Variants in CHD7 observed in about 807,000 individuals in gnomAD.
The protein encoded by CHD7 is chromodomain helicase DNA binding protein 7.
In CHD7, 24 loss-of-function variants were observed where a neutral mutation model predicts 307.3. The ratio of observed to expected loss-of-function variants is 0.08; its 90% CI spans 0.06 to 0.11. The LOEUF (loss-of-function observed/expected upper bound fraction) is 0.11. CHD7 is among the 10% of genes least tolerant of loss of function. CHD7 has a pLI of 1.00. For synonymous variants in CHD7, 1,363 were observed against 1,349.9 expected (o/e 1.01, Z -0.21); for missense variants, 3,106 against 3,727.1 (o/e 0.83, Z 4.34).
intron 1 of CHD7, among the ~76,000 whole-genome samples, chr8:60,688,227 G>A (rs931349882): frequency 1.3e-5 from 2 of 152,192 alleles, no homozygotes; most frequent in African/African-American, 4.8e-5. Context: ...GGACAGATAC[G>A]GGTGTGAATC....
At chr8:60,752,483 T>C (rs1195590721) in intron 2 of CHD7, among the ~76,000 whole-genome samples, 1 of 152,230 alleles carries the variant, frequency 6.6e-6, no homozygotes, top group Non-Finnish European at 1.5e-5. Flanking sequence ...CTGCTCAGTT[T>C]AGGCAGTTGG....
At chr8:60,739,518 A>G (rs1039165521) in intron 1 of CHD7, among the ~76,000 whole-genome samples, 2 of 152,202 alleles carry the variant, frequency 1.3e-5, no homozygotes, top group Non-Finnish European at 2.9e-5. Context: ...TTTCATGCTC[A>G]CCTTATTTTC....
intron 2 of CHD7, among the ~76,000 whole-genome samples, chr8:60,744,905 A>C (rs907458095): frequency 2.6e-5 from 4 of 151,272 alleles, no homozygotes; most frequent in African/African-American, 7.3e-5. Context: ...CAGGCATTTA[A>C]TACAGAGGCT....
intron 1 of CHD7, among the ~76,000 whole-genome samples, chr8:60,694,940 G>A (rs992674716): frequency 1.8e-4 from 28 of 152,182 alleles, no homozygotes; most frequent in African/African-American, 6.5e-4. Context: ...ATGGATTGCG[G>A]TTGAAGAGAG....
At position 60,865,551 on chromosome 8, in the gene CHD7, A is replaced by G; in HGVS notation, c.8612A>G (p.Asn2871Ser). Residue 2871 changes from asparagine to serine, a missense_variant, in exon 38 of 38, where the codon AAT (asparagine) becomes AGT (serine). By Grantham distance (46) the Asn-to-Ser change is conservative. Around this residue, in one of 10 missense-constraint regions of CHD7, gnomAD observed 351 missense variants for 366.2 expected, o/e 0.96. Coordinates refer to ENST00000423902, the MANE Select transcript of CHD7 (RefSeq NM_017780.4). This position sits in a 1 kb window ranked among gnomAD's most constrained non-coding sequence, Gnocchi z 4.3. ...TDAVSAADSA[N>S]GSVGAATAPA... ...GCTGTTTCGGCTGCTGACTCTGCGA[A>G]TGGATCTGTTGGTGCTGCTACTGCC... 1 of 1,614,040 alleles carries G rather than the reference A, an allele frequency of 6.2e-7. No individual in the cohort carries two copies. Among genetic ancestry groups the G allele is most frequent in the East Asian group, 2.2e-5 (1 of 44,882 alleles).
chr8:60,854,291 A>T, intron 31 of CHD7, 72 bp from the exon 32 acceptor site: 1 of 1,376,244 alleles, frequency 7.3e-7, no homozygotes, highest in Non-Finnish European at 1.0e-6. Flanking sequence ...CACATTTTTA[A>T]TCATGTCCTT....
In CHD7 at chr8:60,810,380, A is replaced by AGTGTGTGT. The variant is rs112629399; in HGVS notation, c.2498+2131_2498+2138dup. Among the ~76,000 whole-genome samples the AGTGTGTGT allele has an allele frequency of 6.4e-3, 928 of 146,082 alleles. 5 individuals carry two copies. The highest frequency in any genetic ancestry group is 0.015 in the East Asian group (72 of 4,958). ...GTGGATAGGACTGGGAGAGAGAGAG[A>AGTGTGTGT]GTGTGTGTGTGTGTGTGTGTGTGTG... On this transcript the variant is annotated intron_variant, in intron 7 of 37. Transcript: ENST00000423902.
rs1159520181 is a variant in CHD7 at position 60,844,928 on chromosome 8, G to A, written c.4915G>A (p.Val1639Ile). 2 of 1,613,870 alleles carry A rather than the reference G, an allele frequency of 1.2e-6. No individual in the cohort carries two copies. Among genetic ancestry groups the A allele is most frequent in the Non-Finnish European group, 1.7e-6 (2 of 1,179,786 alleles). Residue 1639 changes from valine to isoleucine, a missense_variant, in exon 22 of 38, where the codon GTA becomes ATA. This residue lies in a region of CHD7 where 122 missense variants were observed against 124.5 expected (regional missense o/e 0.98). Transcript: ENST00000423902. Reference protein sequence around the residue: ...RYKRQLTEQDVETICRTILVY... With the variant: ...RYKRQLTEQDIETICRTILVY... ...TAAACGCCAACTCACTGAGCAAGAT[G>A]TAGAAACCATCTGCAGAACCATCCT...
intron 1 of CHD7, among the ~76,000 whole-genome samples, chr8:60,703,977 G>C (rs1365582276): frequency 6.6e-6 from 1 of 151,892 alleles, no homozygotes; most frequent in Non-Finnish European, 1.5e-5. Context: ...CAGTTCTTTT[G>C]TTCCTCTCCA....
intron 37 of CHD7, chr8:60,862,856 A>C: frequency 1.8e-6 from 1 of 551,946 alleles, no homozygotes; most frequent in Non-Finnish European, 3.2e-6. Flanking sequence ...CTCCAATTTA[A>C]AAGGTTTGTA....
chr8:60,815,883 A>G (rs1803714977), intron 7 of CHD7, among the ~76,000 whole-genome samples: 1 of 152,142 alleles, frequency 6.6e-6, no homozygotes, highest in African/African-American at 2.4e-5. Context: ...GGGTGACTCT[A>G]GGGCACCCTA....
chr8:60,742,119 C>G lies in CHD7; in HGVS notation c.687C>G (p.Thr229=), dbSNP rs752816610. ...GLNQGNPFIA[T]SGPGHLSHVP... is the part of the protein sequence containing the mutation. The stretch of plus-strand genomic sequence containing the variant: ...ATCAGGGAAATCCTTTTATTGCCAC[C>G]TCAGGACCTGGCCACTTGTCCCACG... The change falls in exon 2 of 38, where the codon ACC becomes ACG. Residue 229 remains threonine, a synonymous_variant. Coordinates refer to ENST00000423902, the MANE Select transcript of CHD7 (RefSeq NM_017780.4). The G allele has an allele frequency of 4.3e-6, 7 of 1,613,978 alleles. No individual in the cohort carries two copies. The East Asian group carries it at 1.6e-4, about 36-fold the overall frequency.
At chr8:60,706,818 A>AAT (rs896544084) in intron 1 of CHD7, among the ~76,000 whole-genome samples, 8 of 152,088 alleles carry the variant, frequency 5.3e-5, no homozygotes, top group African/African-American at 1.2e-4. Context: ...ATCTTTTTAA[A>AAT]ATATATATAT....
chr8:60,860,636 T>C (rs1262804079), intron 34 of CHD7, among the ~76,000 whole-genome samples: 5 of 152,230 alleles, frequency 3.3e-5, no homozygotes, highest in Non-Finnish European at 7.3e-5. Flanking sequence ...GGTTTCACCA[T>C]GTTGGCCAGG....
chr8:60,815,726 G>A (rs551407644), intron 7 of CHD7, among the ~76,000 whole-genome samples: 2 of 152,286 alleles, frequency 1.3e-5, no homozygotes, highest in South Asian at 4.1e-4. Flanking sequence ...AAATCCTGGA[G>A]GAACACAGTC....
intron 21 of CHD7, among the ~76,000 whole-genome samples, 157 bp from the exon 22 acceptor site, chr8:60,844,707 T>A (rs1242907672): frequency 6.6e-6 from 1 of 152,066 alleles, no homozygotes; most frequent in African/African-American, 2.4e-5. Flanking sequence ...TATAAAGGAG[T>A]GTTTTTAACT....
chr8:60,865,999 A>G lies in CHD7; in HGVS notation c.*66A>G. On this transcript the variant is annotated 3_prime_UTR_variant, in exon 38 of 38. Transcript: ENST00000423902. The surrounding 1 kb of genome is among the most constrained non-coding windows in gnomAD (Gnocchi z 4.3). ...AGTGGTAGTCCTACTGTTTACACTC[A>G]CAGTTAATGTTCATACCTAGTTTTA... is the stretch of plus-strand genomic sequence containing the variant. 1 of 1,377,102 alleles carries G rather than the reference A, an allele frequency of 7.3e-7. No individual in the cohort carries two copies. Among genetic ancestry groups the G allele is most frequent in the Admixed American group, 2.0e-5 (1 of 50,196 alleles). The allele number at this position is 1,377,102 out of a possible 1,614,324, so 85.3% of individuals were successfully genotyped here. A position where few individuals can be genotyped will look rare whatever the true frequency, so the allele number is the denominator to read the frequency against.
chr8:60,753,293 G>A (rs150323792), intron 2 of CHD7, among the ~76,000 whole-genome samples: 1 of 152,116 alleles, frequency 6.6e-6, no homozygotes, highest in Non-Finnish European at 1.5e-5. Flanking sequence ...GGAATAAGGC[G>A]CTGTGGGAAC....
chr8:60,701,288 A>C (rs925622353), intron 1 of CHD7, among the ~76,000 whole-genome samples: 17 of 152,372 alleles, frequency 1.1e-4, no homozygotes, highest in Admixed American at 5.9e-4. Flanking sequence ...GGCTCAGATC[A>C]CCAGTCTTTT....
Sources: gnomAD v4.1 joint callset for allele counts (sites outside exome capture counted in the v4.1 genomes callset) on GRCh38, gnomAD v4.1.1 for gene constraint, gnomAD v4.1.1 regional missense constraint, Gnocchi (gnomAD v3.1) non-coding constraint, MANE v1.5 for transcripts, NCBI Gene and HGNC (gene_info 2026-07-23, HGNC 2026-07-21) for gene names.